PCSK7: variants seen among roughly 807,000 people sequenced by gnomAD.
PCSK7 encodes the protein proprotein convertase subtilisin/kexin type 7.
A neutral mutation model predicts 73.3 loss-of-function variants in PCSK7; 38 were observed. The ratio of observed to expected loss-of-function variants is 0.52; its 90% CI spans 0.40 to 0.68. PCSK7 has a LOEUF of 0.68. PCSK7 is among the 30% of genes least tolerant of loss of function. PCSK7 has a pLI of 0.00. For missense variants in PCSK7, 692 were observed against 991.5 expected, an observed-to-expected ratio of 0.70 and a Z score of 4.06; for synonymous variants, 296 against 383.8, an observed-to-expected ratio of 0.77 and a Z score of 2.68.
chr11:117,222,287 A>C (rs2032233658), intron 9 of PCSK7: 1 of 152,226 alleles, frequency 6.6e-6, no homozygotes, highest in Non-Finnish European at 1.5e-5. Context: ...TCGTCTTCAA[A>C]TTCTTTAAAT....
intron 12 of PCSK7, chr11:117,210,013 T>G (rs1341971004): frequency 6.6e-6 from 1 of 152,410 alleles, no homozygotes; most frequent in East Asian, 1.9e-4. Context: ...CTTGTGATAA[T>G]GGAATTGTTC....
Position 117,204,759 on chromosome 11 carries a change from TCAA to T in PCSK7, c.*1235_*1237del. 2 of 138,960 alleles carry T rather than the reference TCAA, an allele frequency of 1.4e-5. No homozygotes were observed. Among genetic ancestry groups the T allele is most frequent in the South Asian group, 1.5e-4 (1 of 6,758 alleles). The allele number at this position is 138,960 out of a possible 1,614,324, so 8.6% of individuals were successfully genotyped here. ...CCTGGAATATTTTTGGGGTTGGAAC[TCAA>T]AAAAAAAAAAAAAAAATCAATCTTT... On this transcript the variant is annotated 3_prime_UTR_variant, in exon 17 of 17. Transcript: ENST00000320934.
In PCSK7 at chr11:117,205,322, C is replaced by T. The variant is rs537052546; in HGVS notation, c.*675G>A. The T allele has an allele frequency of 1.5e-4, 34 of 233,640 alleles. No homozygotes were observed. Among genetic ancestry groups the T allele is most frequent in the African/African-American group, 7.3e-4 (33 of 45,466 alleles). 14.5% of individuals were successfully genotyped at this position (233,640 alleles called of 1,614,324 possible). ...GGTGGCAGGACTGGAGTGGCAGTGG[C>T]TCCCAAGGCTCTCTCCTCCAACATG... is the stretch of plus-strand genomic sequence containing the variant. On this transcript the variant is annotated 3_prime_UTR_variant, in exon 17 of 17. Transcript: ENST00000320934.
intron 8 of PCSK7, 86 bp from the exon 9 acceptor site, chr11:117,223,394 C>T (rs2134320851): frequency 2.4e-6 from 2 of 829,550 alleles, no homozygotes; most frequent in Non-Finnish European, 4.2e-6. Flanking sequence ...CTTGGAGTTA[C>T]CATCCTGGGG....
chr11:117,230,962 T>C (rs2032632944), intron 1 of PCSK7, among the ~76,000 whole-genome samples: 1 of 151,224 alleles, frequency 6.6e-6, no homozygotes, highest in Non-Finnish European at 1.5e-5. Context: ...TGTACTGAGC[T>C]CAGGAGGCTG....
chr11:117,214,845 A>AG (rs1008195363), intron 12 of PCSK7: 1 of 152,354 alleles, frequency 6.6e-6, no homozygotes, highest in African/African-American at 2.4e-5. Flanking sequence ...CTCACTGCGT[A>AG]GGCAGAGGCT....
rs1279239801 is a variant in PCSK7 at position 117,204,417 on chromosome 11, C to T, written c.*1580G>A. On this transcript the variant is annotated 3_prime_UTR_variant, in exon 17 of 17. Coordinates refer to ENST00000320934, the MANE Select transcript of PCSK7 (RefSeq NM_004716.4). ...CCCCAGCTCCTTGGCTGCAGCCATCCCGCTTAGCCTGCCTCACCCACACCC... is the reference window on the plus strand; with the variant it reads ...CCCCAGCTCCTTGGCTGCAGCCATCTCGCTTAGCCTGCCTCACCCACACCC... 6.2e-7 allele frequency: 1 copy of T among 1,611,406 alleles called. No homozygotes were observed. Among genetic ancestry groups the T allele is most frequent in the African/African-American group, 1.3e-5 (1 of 74,894 alleles).
intron 12 of PCSK7, chr11:117,212,131 A>G (rs923099597): frequency 6.6e-6 from 1 of 152,174 alleles, no homozygotes; most frequent in African/African-American, 2.4e-5. Flanking sequence ...TACAGTGCTT[A>G]TAATGAAAAA....
intron 12 of PCSK7, chr11:117,212,790 T>G (rs2134294508): frequency 6.6e-6 from 1 of 151,156 alleles, no homozygotes; most frequent in Non-Finnish European, 1.5e-5. Flanking sequence ...CTCAGCTCAC[T>G]GCAACCTCCG....
Position 117,227,156 on chromosome 11 carries a change from C to T in PCSK7, c.769+1G>A. 1.3e-6 allele frequency: 2 copies of T among 1,595,784 alleles called. No individual in the cohort carries two copies. Among genetic ancestry groups the T allele is most frequent in the Non-Finnish European group, 1.7e-6 (2 of 1,170,850 alleles). On this transcript the variant is annotated splice_donor_variant, in intron 5 of 16. Transcript: ENST00000320934. LOFTEE classifies it high-confidence loss of function. ...AAGGCTAGGCTGGAGGCACAAGTTACCTGCGATGCGGCTCCCGTAGGCCAC... is the reference window on the plus strand; with the variant it reads ...AAGGCTAGGCTGGAGGCACAAGTTATCTGCGATGCGGCTCCCGTAGGCCAC...
At chr11:117,229,304 T>A (rs956124693) in intron 3 of PCSK7, 73 bp downstream of exon 3, 35 of 1,117,368 alleles carry the variant, frequency 3.1e-5, no homozygotes, top group Admixed American at 9.6e-5. Flanking sequence ...AAGAGTGATA[T>A]AGTCAAAAGC....
Position 117,223,223 on chromosome 11 carries a change from C to T in PCSK7, c.1140G>A (p.Lys380=). ...AGGCACTCACAATGCTCCGAAGCATCTTGTCCCCACCACTGAAGGTGACTG... is the reference window on the plus strand; with the variant it reads ...AGGCACTCACAATGCTCCGAAGCATTTTGTCCCCACCACTGAAGGTGACTG... ...MLAVTFSGGD[K]MLRSIVTTDW... The change falls in exon 9 of 17, where the codon AAG becomes AAA. Residue 380 remains lysine (K), a synonymous_variant. Transcript: ENST00000320934. 2 of 1,611,570 alleles carry T rather than the reference C, an allele frequency of 1.2e-6. No homozygotes were observed. Among genetic ancestry groups the T allele is most frequent in the Non-Finnish European group, 1.7e-6 (2 of 1,177,704 alleles).
rs996497855 is a variant in PCSK7, at chr11:117,204,492, A to G, written c.*1505T>C. ...AGCTTTGAGGCTCTGTCACTGAGCAATGGTAACTGCACCTGGGCAGCTCCT... is the reference window on the plus strand; with the variant it reads ...AGCTTTGAGGCTCTGTCACTGAGCAGTGGTAACTGCACCTGGGCAGCTCCT... On this transcript the variant is annotated 3_prime_UTR_variant, in exon 17 of 17. Transcript: ENST00000320934. The G allele has an allele frequency of 5.1e-6, 7 of 1,361,436 alleles. No individual in the cohort carries two copies. The East Asian group carries it at 1.5e-4, about 29-fold the overall frequency. 84.3% of individuals were successfully genotyped at this position (1,361,436 alleles called of 1,614,324 possible).
chr11:117,212,962 T>C (rs1212388141), intron 12 of PCSK7: 1 of 152,102 alleles, frequency 6.6e-6, no homozygotes, highest in African/African-American at 2.4e-5. Flanking sequence ...GCAATCTGCC[T>C]GCTCCAGCCT....
At chr11:117,230,151 T>C in intron 2 of PCSK7, 198 bp downstream of exon 2, 2 of 342,902 alleles carry the variant, frequency 5.8e-6, no homozygotes, top group East Asian at 5.0e-5. Context: ...TCACAGGCAC[T>C]GCGAGCAACC....
At chr11:117,231,302 T>A (rs1198290188) in intron 1 of PCSK7, 1 of 152,180 alleles carries the variant, frequency 6.6e-6, no homozygotes, top group Non-Finnish European at 1.5e-5. Context: ...CCTTTACCTC[T>A]AAAAATCTTC....
At chr11:117,223,687 T>C in intron 8 of PCSK7, 1 of 347,294 alleles carries the variant, frequency 2.9e-6, no homozygotes, top group Admixed American at 4.4e-5. Flanking sequence ...TCGAGGAGCC[T>C]AGAGTCAGGT....
chr11:117,210,049 T>C (rs1370528070), intron 12 of PCSK7: 1 of 152,402 alleles, frequency 6.6e-6, no homozygotes, highest in East Asian at 1.9e-4. Flanking sequence ...GTGGTAGTTA[T>C]GCAAGGCTAC....
At position 117,229,431 on chromosome 11, in the gene PCSK7, C is replaced by T; in HGVS notation, c.414G>A (p.Arg138=). 6.2e-7 allele frequency: 1 copy of T among 1,610,080 alleles called. No homozygotes were observed. Among genetic ancestry groups the T allele is most frequent in the Non-Finnish European group, 8.5e-7 (1 of 1,180,020 alleles). Residue 138 remains arginine (R), a synonymous_variant, in exon 3 of 17, where the codon CGG becomes CGA. Transcript: ENST00000320934. ...CGTTGAAGTGGACGCTGCGCTTGGC[C>T]CGCCTTAGCAGCCTCTGCTCTGAGT... is the stretch of plus-strand genomic sequence containing the variant. ...RWHSEQRLLR[R]AKRSVHFNDP...
Sources: allele counts gnomAD v4.1 joint callset (sites outside exome capture counted in the v4.1 genomes callset), GRCh38; gene constraint gnomAD v4.1.1; transcripts MANE v1.5; gene names NCBI Gene and HGNC (gene_info 2026-07-23, HGNC 2026-07-21).